Variants in LYRM7 observed in about 807,000 individuals in gnomAD.
LYRM7 encodes the protein LYR motif containing 7.
LYRM7 carries 9 observed loss-of-function variants against 15.8 expected under a neutral mutation model. The observed-to-expected ratio is 0.57, with a 90% CI of 0.34 to 0.99. LYRM7 has a LOEUF of 0.99. Among genes scored for constraint, LYRM7 ranks in the 50% least tolerant of loss-of-function variants. The pLI, the probability that LYRM7 is intolerant of heterozygous loss-of-function variation, is 0.02. For synonymous variants in LYRM7, 39 were observed against 39.4 expected (o/e 0.99, Z 0.04); for missense variants, 115 against 119.1 (o/e 0.97, Z 0.16).
intron 1 of LYRM7, among the ~76,000 whole-genome samples, chr5:131,172,999 T>A (rs1417974365): frequency 6.6e-6 from 1 of 152,254 alleles, no homozygotes; most frequent in Non-Finnish European, 1.5e-5. Context: ...GCAATAATGA[T>A]AACATTTTCT....
intron 4 of LYRM7, among the ~76,000 whole-genome samples, chr5:131,195,575 T>C (rs569283614): frequency 6.6e-6 from 1 of 152,312 alleles, no homozygotes; most frequent in Admixed American, 6.5e-5. Flanking sequence ...ATATGATTCA[T>C]TTACTGACTG....
At chr5:131,175,827 C>T (rs776691520) in intron 1 of LYRM7, among the ~76,000 whole-genome samples, 1 of 152,156 alleles carries the variant, frequency 6.6e-6, no homozygotes, top group South Asian at 2.1e-4. Flanking sequence ...GGCACCATCT[C>T]GGCTCACTGC....
At chr5:131,199,433 A>G in intron 4 of LYRM7, 98 bp from the exon 5 acceptor site, 2 of 780,734 alleles carry the variant, frequency 2.6e-6, no homozygotes, top group East Asian at 2.8e-5. Flanking sequence ...TTAAAACTGG[A>G]TATTTTACTA....
At chr5:131,197,198 A>C (rs1755979519) in intron 4 of LYRM7, among the ~76,000 whole-genome samples, 1 of 152,218 alleles carries the variant, frequency 6.6e-6, no homozygotes, top group Non-Finnish European at 1.5e-5. Flanking sequence ...GAAGCTGAAG[A>C]GACTATTATA....
chr5:131,193,443 G>T (rs1755915902), intron 4 of LYRM7, among the ~76,000 whole-genome samples: 1 of 152,172 alleles, frequency 6.6e-6, no homozygotes, highest in Non-Finnish European at 1.5e-5. Flanking sequence ...GATGAGTTAG[G>T]GACAGGTTCT....
intron 1 of LYRM7, among the ~76,000 whole-genome samples, chr5:131,176,665 A>G (rs1755607697): frequency 6.6e-6 from 1 of 152,106 alleles, no homozygotes; most frequent in Non-Finnish European, 1.5e-5. Context: ...TAGTGAACCC[A>G]TCACCCAAAT....
intron 4 of LYRM7, among the ~76,000 whole-genome samples, chr5:131,190,489 CTTT>C (rs75062670): frequency 7.1e-6 from 1 of 140,168 alleles, no homozygotes; most frequent in Non-Finnish European, 1.6e-5. Flanking sequence ...CCACCGTGCC[CTTT>C]TTTTTTTTTT....
chr5:131,180,242 T>TG, intron 2 of LYRM7, 75 bp downstream of exon 2: 1 of 1,009,838 alleles, frequency 9.9e-7, no homozygotes, highest in Non-Finnish European at 1.5e-6. Context: ...AAACCCTGTG[T>TG]GGTCAAGACC....
intron 2 of LYRM7, among the ~76,000 whole-genome samples, chr5:131,180,681 C>T (rs1755677038): frequency 6.6e-6 from 1 of 152,118 alleles, no homozygotes; most frequent in Non-Finnish European, 1.5e-5. Flanking sequence ...ATTTATGAAC[C>T]TCCTTAAGAG....
At chr5:131,183,900 A>C (rs1258901739) in intron 3 of LYRM7, among the ~76,000 whole-genome samples, 4 of 152,226 alleles carry the variant, frequency 2.6e-5, no homozygotes, top group Non-Finnish European at 4.4e-5. Context: ...AAGTAACATG[A>C]TATTTATGAA....
chr5:131,192,561 A>G (rs890717956), intron 4 of LYRM7, among the ~76,000 whole-genome samples: 9 of 152,216 alleles, frequency 5.9e-5, no homozygotes, highest in African/African-American at 1.9e-4. Context: ...ATCAATTAAA[A>G]ATAATAAAAG....
intron 2 of LYRM7, among the ~76,000 whole-genome samples, chr5:131,181,370 TATG>T (rs1204925381): frequency 3.2e-5 from 1 of 31,412 alleles, no homozygotes; most frequent in African/African-American, 3.1e-4. Context: ...TTAACATATA[TATG>T]TATATATAAT....
At chr5:131,172,623 T>C (rs983678680) in intron 1 of LYRM7, among the ~76,000 whole-genome samples, 1 of 152,062 alleles carries the variant, frequency 6.6e-6, no homozygotes, top group Non-Finnish European at 1.5e-5. Context: ...CTACAATATA[T>C]AGAAGGCACT....
At chr5:131,171,084 T>C (rs1580689800) in intron 1 of LYRM7, 46 bp downstream of exon 1, 3 of 1,484,658 alleles carry the variant, frequency 2.0e-6, no homozygotes, top group East Asian at 2.7e-5. Context: ...TCGGGGAGGG[T>C]ATGTTCGCGT....
intron 4 of LYRM7, among the ~76,000 whole-genome samples, chr5:131,195,204 G>GC (rs1378595163): frequency 6.4e-4 from 98 of 152,202 alleles, no homozygotes; most frequent in African/African-American, 2.2e-3. Flanking sequence ...GGAGGCAGAG[G>GC]TTGCAGTGAG....
intron 4 of LYRM7, 110 bp downstream of exon 4, chr5:131,187,219 A>T: frequency 1.6e-6 from 1 of 634,894 alleles, no homozygotes; most frequent in Non-Finnish European, 2.8e-6. Flanking sequence ...TTGCCAGACA[A>T]TATGGTATAT....
At chr5:131,184,543 C>CT (rs890954489) in intron 3 of LYRM7, among the ~76,000 whole-genome samples, 10 of 148,914 alleles carry the variant, frequency 6.7e-5, no homozygotes, top group South Asian at 4.2e-4. Context: ...GAGGTAATTT[C>CT]TTTTTTTTTG....
At chr5:131,197,810 G>A (rs1054959640) in intron 4 of LYRM7, among the ~76,000 whole-genome samples, 2 of 151,302 alleles carry the variant, frequency 1.3e-5, no homozygotes, top group Non-Finnish European at 2.9e-5. Context: ...TTCCCAAAGT[G>A]CCAGAATTAC....
chr5:131,180,282 C>A, intron 2 of LYRM7, 115 bp downstream of exon 2: 1 of 599,146 alleles, frequency 1.7e-6, no homozygotes, highest in Non-Finnish European at 2.9e-6. Flanking sequence ...CACTACCTCT[C>A]TCTGATATCT....
Sources: gnomAD v4.1 joint callset for allele counts (sites outside exome capture counted in the v4.1 genomes callset) on GRCh38, gnomAD v4.1.1 for gene constraint, MANE v1.5 for transcripts, NCBI Gene and HGNC (gene_info 2026-07-23, HGNC 2026-07-21) for gene names.